The following NIPBL variants were observed in gnomAD, a reference collection of about 807,000 sequenced individuals.
The protein encoded by NIPBL is nipped-B-like protein.
Under a neutral mutation model 321.8 loss-of-function variants are expected in NIPBL, and 19 were observed. The ratio of observed to expected loss-of-function variants is 0.06; its 90% CI spans 0.04 to 0.09. The LOEUF (loss-of-function observed/expected upper bound fraction) is 0.09, where lower values mean the gene tolerates loss of function less well. Ranked by LOEUF, NIPBL falls within the 10% of genes least tolerant of loss-of-function variation. The pLI, the probability that NIPBL is intolerant of heterozygous loss-of-function variation, is 1.00. For synonymous variants in NIPBL, 1,106 were observed against 1,114.1 expected (o/e 0.99, Z 0.14); for missense variants, 2,210 against 3,327.0 (o/e 0.66, Z 8.26).
intron 1 of NIPBL, among the ~76,000 whole-genome samples, chr5:36,895,149 C>T (rs191591483): frequency 5.9e-5 from 9 of 152,320 alleles, no homozygotes; most frequent in Admixed American, 4.6e-4. Flanking sequence ...TTAGTGGTCA[C>T]ACCCTGTTGT....
At position 36,925,342 on chromosome 5, in the gene NIPBL, C is replaced by G. The variant is rs1299837023; in HGVS notation, c.-79-28276C>G. 4.0e-5 allele frequency among the ~76,000 whole-genome samples: 6 copies of G among 150,848 alleles called. No individual in the cohort carries two copies. In the East Asian group the frequency reaches 1.2e-3, roughly 29 times the overall value. ...GGTGTGCAATGGCGTGATCTCGGCG[C>G]ACTGCAACCTCCGCCTCCTGGGTTC... is the stretch of plus-strand genomic sequence containing the variant. On this transcript the variant is annotated intron_variant, in intron 1 of 46. Coordinates refer to ENST00000282516, the MANE Select transcript of NIPBL (RefSeq NM_133433.4).
chr5:36,888,517 A>G lies in NIPBL; in HGVS notation c.-80+11339A>G, dbSNP rs535341978. Among the ~76,000 whole-genome samples the G allele has an allele frequency of 3.9e-5, 6 of 152,296 alleles. No homozygotes were observed. The East Asian group carries it at 1.2e-3, about 29-fold the overall frequency. On this transcript the variant is annotated intron_variant, in intron 1 of 46. Coordinates refer to ENST00000282516, the MANE Select transcript of NIPBL (RefSeq NM_133433.4). ...GAAGGACTTTTGAATTGACTTTCCT[A>G]TACTGTGGAAACAAGTTTACTTAAA... is the stretch of plus-strand genomic sequence containing the variant.
chr5:37,061,722 A>C (rs1259631002), intron 45 of NIPBL, among the ~76,000 whole-genome samples: 1 of 152,210 alleles, frequency 6.6e-6, no homozygotes, highest in Admixed American at 6.5e-5. Context: ...TATAACCTAC[A>C]TACATCCTCC....
At chr5:37,001,334 AC>A (rs751298328) in intron 14 of NIPBL, among the ~76,000 whole-genome samples, 3 of 152,136 alleles carry the variant, frequency 2.0e-5, no homozygotes, top group Non-Finnish European at 4.4e-5. Context: ...ACAGAGGCAT[AC>A]TCTGTGCTAT....
chr5:36,947,146 A>G (rs1481127977), intron 1 of NIPBL, among the ~76,000 whole-genome samples: 1 of 152,048 alleles, frequency 6.6e-6, no homozygotes, highest in Non-Finnish European at 1.5e-5. Flanking sequence ...AATTTCCCCT[A>G]CAGCATTACT....
At position 37,008,614 on chromosome 5, in the gene NIPBL, A is replaced by T; in HGVS notation, c.4321-9A>T. 1 of 1,290,956 alleles carries T rather than the reference A, an allele frequency of 7.7e-7. No homozygotes were observed. Among genetic ancestry groups the T allele is most frequent in the Non-Finnish European group, 1.1e-6 (1 of 886,486 alleles). The allele number at this position is 1,290,956 out of a possible 1,614,324, so 80.0% of individuals were successfully genotyped here. ...AAGTTTAACTTGGAATCTTATAATT[A>T]CTAAACAGGTATTCTCAAGATATGA... is the stretch of plus-strand genomic sequence containing the variant. On this transcript the variant is annotated splice_polypyrimidine_tract_variant and intron_variant, in intron 19 of 46. Coordinates refer to ENST00000282516, the MANE Select transcript of NIPBL (RefSeq NM_133433.4).
intron 16 of NIPBL, among the ~76,000 whole-genome samples, chr5:37,006,114 A>G (rs1747396815): frequency 6.6e-6 from 1 of 152,122 alleles, no homozygotes; most frequent in Non-Finnish European, 1.5e-5. Flanking sequence ...AGATAATTAT[A>G]ACTTTGTCAG....
At chr5:36,892,543 A>G (rs1247512682) in intron 1 of NIPBL, among the ~76,000 whole-genome samples, 103 of 152,258 alleles carry the variant, frequency 6.8e-4, no homozygotes, top group Middle Eastern at 3.4e-3. Context: ...CAACCCAAAT[A>G]TCCAACAACG....
chr5:37,018,522 C>T (rs1749253859), intron 24 of NIPBL, among the ~76,000 whole-genome samples: 1 of 152,122 alleles, frequency 6.6e-6, no homozygotes, highest in Admixed American at 6.5e-5. Flanking sequence ...GCCCTGGGAT[C>T]AGTTGTTTCT....
intron 1 of NIPBL, among the ~76,000 whole-genome samples, chr5:36,950,612 G>A (rs184047907): frequency 6.6e-6 from 1 of 152,086 alleles, no homozygotes; most frequent in East Asian, 1.9e-4. Flanking sequence ...CTACTAATCA[G>A]TCACCAATCA....
Position 36,956,616 on chromosome 5 carries a change from C to CTTTTT in NIPBL, c.230+1001_230+1005dup, listed in dbSNP as rs34760816. ...AAATTCAGCAATATCTAAATCACTTCTTTTTTTTTTTTTTTTTTTTTTTTT... is the reference window on the plus strand; with the variant it reads ...AAATTCAGCAATATCTAAATCACTTCTTTTTTTTTTTTTTTTTTTTTTTTTTTTTT... On this transcript the variant is annotated intron_variant, in intron 3 of 46. Coordinates refer to ENST00000282516, the MANE Select transcript of NIPBL (RefSeq NM_133433.4). 1.2e-3 allele frequency among the ~76,000 whole-genome samples: 95 copies of CTTTTT among 79,486 alleles called. 11 individuals carry two copies. The highest frequency in any genetic ancestry group is 4.5e-3 in the African/African-American group (85 of 18,900). The allele number at this position is 79,486 out of a possible 152,430, so 52.1% of individuals were successfully genotyped here. A position where few individuals can be genotyped will look rare whatever the true frequency, so the allele number is the denominator to read the frequency against.
At chr5:37,027,639 C>G (rs1395896032) in intron 32 of NIPBL, among the ~76,000 whole-genome samples, 1 of 104,130 alleles carries the variant, frequency 9.6e-6, no homozygotes, top group Non-Finnish European at 1.7e-5. Context: ...GAGGTGGAGT[C>G]TCGCTCTCTC....
chr5:36,977,441 A>T (rs1321830744), intron 9 of NIPBL, among the ~76,000 whole-genome samples: 1 of 151,968 alleles, frequency 6.6e-6, no homozygotes, highest in Non-Finnish European at 1.5e-5. Flanking sequence ...CCTGTCTGTC[A>T]TGATGGCTCA....
chr5:36,944,430 C>T (rs959421248), intron 1 of NIPBL, among the ~76,000 whole-genome samples: 2 of 151,982 alleles, frequency 1.3e-5, no homozygotes, highest in East Asian at 1.9e-4. Context: ...TCCATGTTTT[C>T]GTACTAGATT....
At chr5:36,919,573 A>ACACCC (rs1206568275) in intron 1 of NIPBL, among the ~76,000 whole-genome samples, 2 of 152,118 alleles carry the variant, frequency 1.3e-5, no homozygotes, top group Non-Finnish European at 2.9e-5. Flanking sequence ...GATTTTGAAC[A>ACACCC]CACCCTGTGA....
At chr5:37,048,900 A>C (rs1438164675) in intron 39 of NIPBL, among the ~76,000 whole-genome samples, 2 of 152,064 alleles carry the variant, frequency 1.3e-5, no homozygotes, top group Non-Finnish European at 2.9e-5. Context: ...TGAGGGAGGA[A>C]AGAGATTATA....
chr5:36,945,224 G>C (rs781246696), intron 1 of NIPBL, among the ~76,000 whole-genome samples: 5 of 151,986 alleles, frequency 3.3e-5, no homozygotes, highest in Non-Finnish European at 7.4e-5. Context: ...TTTTCCTGAG[G>C]TAGTTTGTAG....
chr5:36,962,444 C>G (rs1741731782), intron 6 of NIPBL, among the ~76,000 whole-genome samples, 170 bp downstream of exon 6: 1 of 152,222 alleles, frequency 6.6e-6, no homozygotes, highest in Admixed American at 6.5e-5. Flanking sequence ...GTTACACTTA[C>G]CATTTGAAAA....
At chr5:37,031,793 A>G (rs1751053187) in intron 32 of NIPBL, among the ~76,000 whole-genome samples, 1 of 152,260 alleles carries the variant, frequency 6.6e-6, no homozygotes. Flanking sequence ...ATTAATACAT[A>G]CAGCAACATA....
Sources: allele counts gnomAD v4.1 joint callset (sites outside exome capture counted in the v4.1 genomes callset), GRCh38; gene constraint gnomAD v4.1.1; transcripts MANE v1.5; gene names NCBI Gene and HGNC (gene_info 2026-07-23, HGNC 2026-07-21).